MRPS22: variants seen among roughly 807,000 people sequenced by gnomAD.
The protein encoded by MRPS22 is small ribosomal subunit protein mS22.
A neutral mutation model predicts 44.0 loss-of-function variants in MRPS22; 30 were observed. That is an observed-to-expected ratio of 0.68 (90% CI 0.51 to 0.93). MRPS22 has a LOEUF of 0.93. MRPS22 is among the 40% of genes least tolerant of loss of function. The pLI, the probability that MRPS22 is intolerant of heterozygous loss-of-function variation, is 0.00. For missense variants in MRPS22, 447 were observed against 447.8 expected (o/e 1.00, Z 0.02); for synonymous variants, 165 against 154.4 (o/e 1.07, Z -0.51).
intron 7 of MRPS22, among the ~76,000 whole-genome samples, chr3:139,356,313 C>T (rs1941260733): frequency 6.6e-6 from 1 of 152,160 alleles, no homozygotes; most frequent in South Asian, 2.1e-4. Flanking sequence ...GTACATTTAT[C>T]TGTAAGTGCT....
intron 1 of MRPS22, chr3:139,344,810 T>C: frequency 1.7e-6 from 1 of 583,970 alleles, no homozygotes; most frequent in Non-Finnish European, 3.0e-6. Flanking sequence ...GAATAGAGGG[T>C]TGTCCCATTT....
chr3:139,352,520 T>C (rs1941170066), intron 5 of MRPS22, 127 bp from the exon 6 acceptor site: 8 of 767,978 alleles, frequency 1.0e-5, no homozygotes, highest in South Asian at 2.9e-5. Flanking sequence ...GTTAATGATA[T>C]GGAGGCAACT....
At chr3:139,351,592 A>C (rs562728067) in intron 5 of MRPS22, 1 of 169,802 alleles carries the variant, frequency 5.9e-6, no homozygotes, top group South Asian at 1.4e-4. Flanking sequence ...CTAAAATGCT[A>C]GACACTAAGA....
At chr3:139,354,876 C>T (rs1479465526) in intron 6 of MRPS22, among the ~76,000 whole-genome samples, 1 of 152,164 alleles carries the variant, frequency 6.6e-6, no homozygotes, top group Admixed American at 6.5e-5. Flanking sequence ...CTGTGCCCTC[C>T]AGCGATGAGA....
At chr3:139,346,778 C>A in intron 1 of MRPS22, 100 bp from the exon 2 acceptor site, 1 of 1,226,714 alleles carries the variant, frequency 8.2e-7, no homozygotes, top group Non-Finnish European at 1.2e-6. Flanking sequence ...CCAAGGTAGA[C>A]ATTGTGCTAA....
chr3:139,345,796 A>T (rs1941030347), intron 1 of MRPS22, among the ~76,000 whole-genome samples: 1 of 152,144 alleles, frequency 6.6e-6, no homozygotes, highest in African/African-American at 2.4e-5. Flanking sequence ...ACTTGGCAGT[A>T]TTCAAGTACA....
chr3:139,356,783 A>AAAT, intron 7 of MRPS22, 136 bp from the exon 8 acceptor site: 1 of 656,964 alleles, frequency 1.5e-6, no homozygotes, highest in Non-Finnish European at 2.7e-6. Flanking sequence ...ATCGGGGGAA[A>AAAT]AATTGTGAAA....
intron 1 of MRPS22, chr3:139,344,795 G>T (rs992817640): frequency 1.1e-5 from 7 of 624,738 alleles, no homozygotes; most frequent in African/African-American, 1.1e-4. Context: ...TTAAGTTTTT[G>T]ATTGGAATAG....
At chr3:139,354,326 A>T (rs1941205609) in intron 6 of MRPS22, among the ~76,000 whole-genome samples, 1 of 152,190 alleles carries the variant, frequency 6.6e-6, no homozygotes, top group Non-Finnish European at 1.5e-5. Context: ...AGCTAAATTT[A>T]AATTGTTCTG....
chr3:139,348,748 C>T (rs765914198), intron 3 of MRPS22, among the ~76,000 whole-genome samples: 9 of 152,176 alleles, frequency 5.9e-5, no homozygotes, highest in Non-Finnish European at 1.0e-4. Flanking sequence ...TGCCAAGAAA[C>T]TCAGGCATCA....
In MRPS22 at chr3:139,357,100, T is replaced by C. The variant is rs1348520395; in HGVS notation, c.*86T>C. The C allele has an allele frequency of 9.1e-7, 1 of 1,100,218 alleles. No homozygotes were observed. Among genetic ancestry groups the C allele is most frequent in the African/African-American group, 1.6e-5 (1 of 63,902 alleles). The allele number at this position is 1,100,218 out of a possible 1,614,324, so 68.2% of individuals were successfully genotyped here. Reference sequence around the variant, plus strand: ...AGCTAAATGTTAAAAAATGGCCAGATTAAAAGATATCAATTTGTAGTTCTC... The same window carrying C: ...AGCTAAATGTTAAAAAATGGCCAGACTAAAAGATATCAATTTGTAGTTCTC... On this transcript the variant is annotated 3_prime_UTR_variant, in exon 8 of 8. Transcript: ENST00000680020.
At chr3:139,350,504 T>A in intron 4 of MRPS22, 182 bp downstream of exon 4, 1 of 617,088 alleles carries the variant, frequency 1.6e-6, no homozygotes, top group Non-Finnish European at 2.8e-6. Flanking sequence ...CTCAGCTCAC[T>A]GCAACCTCCA....
Position 139,356,962 on chromosome 3 carries a change from T to TAACA in MRPS22, c.1032_1035dup (p.Leu346AsnfsTer21), listed in dbSNP as rs772578397. On this transcript the variant is annotated frameshift_variant, in exon 8 of 8. Coordinates refer to ENST00000680020, the MANE Select transcript of MRPS22 (RefSeq NM_020191.4). LOFTEE classifies it high-confidence loss of function. ...GCACAGAAGGGAGCCTATATAGAAC[T>TAACA]AACACTGCAGACTTATCAAGAAGCA... is the stretch of plus-strand genomic sequence containing the variant. 69 of 1,613,094 alleles carry TAACA rather than the reference T, an allele frequency of 4.3e-5. No individual in the cohort carries two copies. Among genetic ancestry groups the TAACA allele is most frequent in the East Asian group, 1.3e-4 (6 of 44,830 alleles).
intron 1 of MRPS22, among the ~76,000 whole-genome samples, chr3:139,346,068 G>A (rs975351178): frequency 5.3e-5 from 8 of 152,102 alleles, no homozygotes; most frequent in African/African-American, 1.9e-4. Context: ...AAAGCAATAA[G>A]CAAACTGCAT....
chr3:139,344,654 T>G, intron 1 of MRPS22: 1 of 693,662 alleles, frequency 1.4e-6, no homozygotes, highest in East Asian at 2.7e-5. Context: ...TTCTCAAGCA[T>G]AGGGGACAGT....
At chr3:139,345,402 T>G (rs1197266033) in intron 1 of MRPS22, among the ~76,000 whole-genome samples, 1 of 150,526 alleles carries the variant, frequency 6.6e-6, no homozygotes, top group African/African-American at 2.4e-5. Flanking sequence ...ATGAGATTTA[T>G]GAAGGCAAAC....
In MRPS22 at chr3:139,348,337, C is replaced by G; in HGVS notation, c.504+13C>G. The G allele has an allele frequency of 3.1e-6, 5 of 1,611,962 alleles. No individual in the cohort carries two copies. The highest frequency in any genetic ancestry group is 4.2e-6 in the Non-Finnish European group (5 of 1,178,536). Reference sequence around the variant, plus strand: ...CATACCACACCGGGTGAGTATATGTCTAATCGCAAAATGATCTTTCTTTGA... The same window carrying G: ...CATACCACACCGGGTGAGTATATGTGTAATCGCAAAATGATCTTTCTTTGA... On this transcript the variant is annotated intron_variant, in intron 3 of 7. Transcript: ENST00000680020.
intron 1 of MRPS22, 107 bp downstream of exon 1, chr3:139,344,305 C>G: frequency 8.1e-7 from 1 of 1,231,778 alleles, no homozygotes; most frequent in East Asian, 2.5e-5. Flanking sequence ...TATCCTAGCG[C>G]TTCCTCAGAT....
At chr3:139,345,450 G>GT (rs78050187) in intron 1 of MRPS22, among the ~76,000 whole-genome samples, 17,715 of 106,254 alleles carry the variant, frequency 0.17, 1,335 homozygotes, top group Non-Finnish European at 0.19. Flanking sequence ...TTTTTTTTTT[G>GT]TTTTTTTTTT....
Sources: gnomAD v4.1 joint callset for allele counts (sites outside exome capture counted in the v4.1 genomes callset) on GRCh38, gnomAD v4.1.1 for gene constraint, MANE v1.5 for transcripts, NCBI Gene and HGNC (gene_info 2026-07-23, HGNC 2026-07-21) for gene names.